HIVEP3: variants seen among roughly 807,000 people sequenced by gnomAD.
HIVEP3 encodes transcription factor HIVEP3.
Under a neutral mutation model 152.8 loss-of-function variants are expected in HIVEP3, and 49 were observed. The observed-to-expected ratio is 0.32, with a 90% CI of 0.26 to 0.41. HIVEP3 has a LOEUF of 0.41. HIVEP3 is among the 10% of genes least tolerant of loss of function. The pLI is 1.00. For missense variants in HIVEP3, 2,790 were observed against 3,103.3 expected (o/e 0.90, Z 2.40); for synonymous variants, 1,269 against 1,289.0 (o/e 0.98, Z 0.33).
At chr1:41,784,186 AT>A (rs1649212226) in intron 1 of HIVEP3, among the ~76,000 whole-genome samples, 1 of 152,190 alleles carries the variant, frequency 6.6e-6, no homozygotes, top group Admixed American at 6.5e-5. Flanking sequence ...GGGCTACAGG[AT>A]ATGGAAGCCA....
chr1:41,910,744 T>C (rs1002154594), intron 1 of HIVEP3, among the ~76,000 whole-genome samples: 1 of 151,952 alleles, frequency 6.6e-6, no homozygotes, highest in African/African-American at 2.4e-5. Flanking sequence ...AAAAAAATTA[T>C]ATAAATCTCA....
chr1:41,985,795 G>A (rs552383018), intron 1 of HIVEP3, among the ~76,000 whole-genome samples: 1 of 152,290 alleles, frequency 6.6e-6, no homozygotes, highest in East Asian at 1.9e-4. Flanking sequence ...TGGCTCAAAG[G>A]AGGCCCTTGT....
intron 1 of HIVEP3, among the ~76,000 whole-genome samples, chr1:42,004,951 G>A (rs1451826830): frequency 5.9e-5 from 9 of 152,128 alleles, no homozygotes; most frequent in African/African-American, 1.2e-4. Flanking sequence ...TATGTCTGTC[G>A]CCTAGTTCTA....
At chr1:41,971,550 G>A (rs983841135) in intron 1 of HIVEP3, among the ~76,000 whole-genome samples, 26 of 152,276 alleles carry the variant, frequency 1.7e-4, no homozygotes, top group Admixed American at 7.2e-4. Context: ...ACAAAGCTGT[G>A]TCTGATGACA....
In HIVEP3 at chr1:41,513,071, A is replaced by G; in HGVS notation, c.6150T>C (p.His2050=). The part of the protein sequence containing the change: ...PLGRELAPRA[H]VLSKLEGTTD... ...TGGTACCCTCGAGTTTGGAGAGCAC[A>G]TGTGCTCGAGGGGCCAGTTCTCTTC... The change falls in exon 8 of 9, where the codon CAT becomes CAC. Residue 2050 remains histidine (H), a synonymous_variant. Transcript: ENST00000372583. 1 of 1,613,876 alleles carries G rather than the reference A, an allele frequency of 6.2e-7. No individual in the cohort carries two copies. Among genetic ancestry groups the G allele is most frequent in the Non-Finnish European group, 8.5e-7 (1 of 1,180,014 alleles).
At chr1:41,884,484 A>T (rs1320043816) in intron 1 of HIVEP3, among the ~76,000 whole-genome samples, 1 of 152,198 alleles carries the variant, frequency 6.6e-6, no homozygotes, top group Non-Finnish European at 1.5e-5. Flanking sequence ...GCTGATGCAG[A>T]AGGACGTTGG....
rs142025195 is a variant in HIVEP3, at chr1:41,755,388, G to T, written c.-800-54393C>A. On this transcript the variant is annotated intron_variant, in intron 1 of 8. Transcript: ENST00000372583. ...CAGGAGAAGATTTTCAGGACCTAGA[G>T]CCCAGTGAAGAGTCTTTAGGTGTGA... 5.3e-4 allele frequency among the ~76,000 whole-genome samples: 81 copies of T among 152,106 alleles called. No homozygotes were observed. In the East Asian group the frequency reaches 0.013, roughly 25 times the overall value.
chr1:41,902,506 C>A (rs1206754882), intron 1 of HIVEP3, among the ~76,000 whole-genome samples: 1 of 152,206 alleles, frequency 6.6e-6, no homozygotes, highest in Non-Finnish European at 1.5e-5. Flanking sequence ...CTTTCATATT[C>A]CCACCCTAAT....
chr1:41,916,687 C>T (rs1043220812), intron 1 of HIVEP3, among the ~76,000 whole-genome samples: 2 of 152,192 alleles, frequency 1.3e-5, no homozygotes, highest in African/African-American at 2.4e-5. Context: ...CAGACGGCAT[C>T]TGAGGTCTAT....
At chr1:41,897,995 G>C (rs542197642) in intron 1 of HIVEP3, among the ~76,000 whole-genome samples, 24 of 150,960 alleles carry the variant, frequency 1.6e-4, no homozygotes, top group African/African-American at 5.8e-4. Context: ...CTGGGAGAAG[G>C]AGGACCCAGG....
intron 2 of HIVEP3, among the ~76,000 whole-genome samples, chr1:41,646,274 T>G (rs1321573706): frequency 6.6e-6 from 1 of 152,144 alleles, no homozygotes; most frequent in Non-Finnish European, 1.5e-5. Context: ...AAGGGTTGGC[T>G]CAAGATCCAA....
intron 3 of HIVEP3, among the ~76,000 whole-genome samples, chr1:41,592,138 C>CT (rs939304522): frequency 2.6e-5 from 4 of 152,176 alleles, no homozygotes; most frequent in African/African-American, 9.7e-5. Context: ...CCCTGGCTTG[C>CT]TTTCTTCAAC....
chr1:41,663,072 T>C (rs1480368897), intron 2 of HIVEP3, among the ~76,000 whole-genome samples: 1 of 152,212 alleles, frequency 6.6e-6, no homozygotes, highest in African/African-American at 2.4e-5. Context: ...GATTTGGGCC[T>C]GAGTCACTCT....
chr1:41,889,726 T>G (rs1644417484), intron 1 of HIVEP3, among the ~76,000 whole-genome samples: 1 of 152,192 alleles, frequency 6.6e-6, no homozygotes, highest in South Asian at 2.1e-4. Flanking sequence ...CATTGTCCCC[T>G]GCAGAGCAGT....
chr1:41,937,866 T>C (rs992960545), intron 1 of HIVEP3, among the ~76,000 whole-genome samples: 1 of 152,236 alleles, frequency 6.6e-6, no homozygotes, highest in Non-Finnish European at 1.5e-5. Flanking sequence ...CATTCAAGAC[T>C]GAACAACCAA....
At chr1:41,748,381 T>G (rs1320089228) in intron 1 of HIVEP3, among the ~76,000 whole-genome samples, 2 of 152,228 alleles carry the variant, frequency 1.3e-5, no homozygotes, top group Non-Finnish European at 2.9e-5. Flanking sequence ...ACACATATCT[T>G]TGTTCTGTTC....
chr1:41,822,441 T>C (rs1331658212), intron 1 of HIVEP3, among the ~76,000 whole-genome samples: 4 of 152,218 alleles, frequency 2.6e-5, no homozygotes, highest in Non-Finnish European at 5.9e-5. Context: ...GGGGGAACTG[T>C]TGACTGCCAT....
chr1:41,648,591 T>C (rs1243961892), intron 2 of HIVEP3, among the ~76,000 whole-genome samples: 1 of 152,250 alleles, frequency 6.6e-6, no homozygotes, highest in African/African-American at 2.4e-5. Context: ...TCAAGGTGTC[T>C]CCAATTTTTG....
At chr1:41,702,651 T>C (rs987129364) in intron 1 of HIVEP3, among the ~76,000 whole-genome samples, 1 of 152,234 alleles carries the variant, frequency 6.6e-6, no homozygotes, top group African/African-American at 2.4e-5. Flanking sequence ...TTAGTATTAA[T>C]ACAATTTCTC....
Sources: allele counts gnomAD v4.1 joint callset (sites outside exome capture counted in the v4.1 genomes callset), GRCh38; gene constraint gnomAD v4.1.1; transcripts MANE v1.5; gene names NCBI Gene and HGNC (gene_info 2026-07-23, HGNC 2026-07-21).